NLRP5: variants seen among roughly 807,000 people sequenced by gnomAD.
NLRP5 encodes NLR family pyrin domain containing 5.
In NLRP5, 93 loss-of-function variants were observed where a neutral mutation model predicts 113.1. The ratio of observed to expected loss-of-function variants is 0.82; its 90% confidence interval spans 0.70 to 0.98. NLRP5 has a LOEUF of 0.98. Ranked by LOEUF, NLRP5 falls within the 50% of genes least tolerant of loss-of-function variation. The probability of loss-of-function intolerance (pLI) is 0.00; values close to 1 mark genes in which losing one functional copy is unlikely to be tolerated. For synonymous variants in NLRP5, 751 were observed against 600.7 expected (o/e 1.25, Z -3.66); for missense variants, 1,808 against 1,514.3 (o/e 1.19, Z -3.22).
intron 6 of NLRP5, among the ~76,000 whole-genome samples, chr19:56,022,811 G>A (rs10409202): frequency 0.033 from 5,040 of 152,144 alleles, 107 homozygotes; most frequent in African/African-American, 0.051. Context: ...TGCAACCTCC[G>A]CCTCCCAGGT....
intron 3 of NLRP5, among the ~76,000 whole-genome samples, chr19:56,011,796 C>T (rs1478779472): frequency 5.3e-5 from 8 of 151,328 alleles, no homozygotes; most frequent in South Asian, 2.1e-4. Context: ...CAGGTTCAAG[C>T]GATTCTCCTG....
At chr19:56,041,174 G>A (rs1983509342) in intron 11 of NLRP5, 82 bp downstream of exon 11, 1 of 1,394,130 alleles carries the variant, frequency 7.2e-7, no homozygotes, top group Non-Finnish European at 1.0e-6. Context: ...AAGGCAGTGG[G>A]GAGGGGGTGT....
intron 11 of NLRP5, among the ~76,000 whole-genome samples, chr19:56,049,935 A>G (rs1983867834): frequency 6.6e-6 from 1 of 152,062 alleles, no homozygotes; most frequent in African/African-American, 2.4e-5. Flanking sequence ...TCATATTACC[A>G]GAGTTGGTTT....
intron 3 of NLRP5, among the ~76,000 whole-genome samples, chr19:56,011,892 G>A (rs147972488): frequency 1.4e-4 from 22 of 151,868 alleles, no homozygotes; most frequent in Admixed American, 4.6e-4. Flanking sequence ...GAGTTTCACC[G>A]TATTGGTCAG....
intron 11 of NLRP5, among the ~76,000 whole-genome samples, chr19:56,047,536 T>G (rs1007414893): frequency 6.6e-6 from 1 of 152,214 alleles, no homozygotes; most frequent in Non-Finnish European, 1.5e-5. Context: ...TGCATGGTTT[T>G]GAAGGTTCCT....
Position 56,016,872 on chromosome 19 carries a change from G to A in NLRP5, c.565+1074G>A, listed in dbSNP as rs560073698. Among the ~76,000 whole-genome samples the A allele has an allele frequency of 3.4e-4, 51 of 152,196 alleles. 1 individual carries two copies. The highest frequency in any genetic ancestry group is 6.8e-3 in the Middle Eastern group (2 of 294). On this transcript the variant is annotated intron_variant, in intron 4 of 14. Coordinates refer to ENST00000390649, the MANE Select transcript of NLRP5 (RefSeq NM_153447.4). ...TGCCCAGGCTGGGGTGCAGTGGCGC[G>A]ATCTCAGCTCACTGCAAGCTCCGCC...
chr19:56,060,212 C>G (rs1984300580), intron 14 of NLRP5, among the ~76,000 whole-genome samples: 3 of 152,144 alleles, frequency 2.0e-5, no homozygotes, highest in Non-Finnish European at 4.4e-5. Flanking sequence ...AGAAGTCAGA[C>G]CTGGATTTAC....
chr19:55,990,816 C>T, the NLRP5 span, among the ~76,000 whole-genome samples: 1 of 151,984 alleles, frequency 6.6e-6, no homozygotes, highest in Non-Finnish European at 1.5e-5. Flanking sequence ...CGGAGCAAGA[C>T]TCTGTCTCAA....
chr19:55,999,204 TTC>T (rs1396548304), upstream of NLRP5, among the ~76,000 whole-genome samples: 3 of 135,022 alleles, frequency 2.2e-5, no homozygotes, highest in Non-Finnish European at 4.8e-5. Context: ...ATCTTTTTTT[TTC>T]TTTTTCTTTT....
At chr19:55,999,196 C>CT (rs201055253), upstream of NLRP5, among the ~76,000 whole-genome samples, 8 of 139,354 alleles carry the variant, frequency 5.7e-5, no homozygotes, top group African/African-American at 1.3e-4. Context: ...CCTACTAAAT[C>CT]TTTTTTTTTC....
At chr19:56,041,218 T>C in intron 11 of NLRP5, 126 bp downstream of exon 11, 1 of 866,348 alleles carries the variant, frequency 1.2e-6, no homozygotes, top group African/African-American at 1.7e-5. Flanking sequence ...TGGTATATGC[T>C]GAATTCTGTC....
chr19:56,042,451 C>T (rs1229728356), intron 11 of NLRP5, among the ~76,000 whole-genome samples: 3 of 152,114 alleles, frequency 2.0e-5, no homozygotes, highest in Admixed American at 6.5e-5. Context: ...CAGGTTCAAG[C>T]GATTCTCCTG....
chr19:56,005,639 C>T (rs1376333927), intron 2 of NLRP5, among the ~76,000 whole-genome samples: 1 of 145,194 alleles, frequency 6.9e-6, no homozygotes, highest in African/African-American at 2.6e-5. Flanking sequence ...CACACACACA[C>T]ACACGCGCGC....
At chr19:56,004,608 T>G (rs1420877011) in intron 2 of NLRP5, among the ~76,000 whole-genome samples, 1 of 152,180 alleles carries the variant, frequency 6.6e-6, no homozygotes, top group Non-Finnish European at 1.5e-5. Flanking sequence ...CAGGTGCTCA[T>G]CTGAGGCTTG....
intron 6 of NLRP5, among the ~76,000 whole-genome samples, chr19:56,022,626 C>T (rs1244645687): frequency 6.6e-6 from 1 of 152,184 alleles, no homozygotes; most frequent in Non-Finnish European, 1.5e-5. Flanking sequence ...AGCTCATCAT[C>T]TGCTCCAAAG....
At chr19:55,999,407 G>A (rs1461670621), upstream of NLRP5, among the ~76,000 whole-genome samples, 3 of 151,694 alleles carry the variant, frequency 2.0e-5, no homozygotes, top group Non-Finnish European at 2.9e-5. Context: ...GTAGAAATGG[G>A]GTTTCACCAT....
chr19:56,024,384 T>TATAA (rs1982734606), intron 6 of NLRP5, among the ~76,000 whole-genome samples: 1 of 132,084 alleles, frequency 7.6e-6, no homozygotes, highest in South Asian at 2.5e-4. Flanking sequence ...TGTGTATATA[T>TATAA]AACATATATA....
At position 56,003,968 on chromosome 19, in the gene NLRP5, C is replaced by G. The variant is rs1560691; in HGVS notation, c.315C>G (p.Asn105Lys). The stretch of plus-strand genomic sequence containing the variant: ...CACAGTTTGAAATCGAGAATGCCAA[C>G]GTGGAATGTCTGGCACTCCTCTTGC... The change falls in exon 2 of 15, where the codon AAC becomes AAG. Residue 105 changes from asparagine (N) to lysine (K), a missense_variant. Coordinates refer to ENST00000390649, the MANE Select transcript of NLRP5 (RefSeq NM_153447.4). 6 of 1,613,760 alleles carry G rather than the reference C, an allele frequency of 3.7e-6. No homozygotes were observed. The highest frequency in any genetic ancestry group is 5.1e-6 in the Non-Finnish European group (6 of 1,179,844).
intron 11 of NLRP5, among the ~76,000 whole-genome samples, chr19:56,044,180 C>T (rs1983637066): frequency 6.6e-6 from 1 of 151,994 alleles, no homozygotes; most frequent in East Asian, 1.9e-4. Flanking sequence ...TCTCCTGCCT[C>T]AGCCTCCCCA....
Sources: gnomAD v4.1 joint callset for allele counts (sites outside exome capture counted in the v4.1 genomes callset) on GRCh38, gnomAD v4.1.1 for gene constraint, MANE v1.5 for transcripts, NCBI Gene and HGNC (gene_info 2026-07-23, HGNC 2026-07-21) for gene names.